Variants in NUBP1 observed in about 807,000 individuals in gnomAD.
NUBP1 encodes cytosolic Fe-S cluster assembly factor NUBP1.
In NUBP1, 46 loss-of-function variants were observed where a neutral mutation model predicts 41.8. That is an observed-to-expected ratio of 1.10 (90% CI 0.87 to 1.41). The LOEUF (loss-of-function observed/expected upper bound fraction) is 1.41, where lower values mean the gene tolerates loss of function less well. Among genes scored for constraint, NUBP1 ranks in the 40% most tolerant of loss-of-function variants. The pLI is 0.00. For missense variants in NUBP1, 494 were observed against 414.0 expected, an observed-to-expected ratio of 1.19 and a Z score of -1.68; for synonymous variants, 189 against 154.6, an observed-to-expected ratio of 1.22 and a Z score of -1.65.
chr16:10,766,683 G>A lies in NUBP1; in HGVS notation c.821-1266G>A, dbSNP rs1037401114. 4 of 346,722 alleles carry A rather than the reference G, an allele frequency of 1.2e-5. No individual in the cohort carries two copies. The highest frequency in any genetic ancestry group is 2.1e-5 in the Non-Finnish European group (4 of 194,002). 21.5% of individuals were successfully genotyped at this position (346,722 alleles called of 1,614,324 possible). A position where few individuals can be genotyped will look rare whatever the true frequency, so the allele number is the denominator to read the frequency against. On this transcript the variant is annotated intron_variant, in intron 9 of 10. Coordinates refer to ENST00000283027, the MANE Select transcript of NUBP1 (RefSeq NM_002484.4). This position sits in a 1 kb window ranked among gnomAD's most constrained non-coding sequence, Gnocchi z 4.8. ...TGGACAAAACGCACAAAGAAAGGAA[G>A]GAAGGAAGGGATTTATTGAAAATGA... is the stretch of plus-strand genomic sequence containing the variant.
In NUBP1 at chr16:10,757,870, T is replaced by G. The variant is rs1045298418; in HGVS notation, c.452-3T>G. 8.7e-6 allele frequency: 14 copies of G among 1,613,140 alleles called. No homozygotes were observed. In the African/African-American group the frequency reaches 1.5e-4, roughly 17 times the overall value. Reference sequence around the variant, plus strand: ...AGCATCCCCTGTGGATTCCTCTTTCTAGGCATGATCAAGCAGTTCCTCCGA... The same window carrying G: ...AGCATCCCCTGTGGATTCCTCTTTCGAGGCATGATCAAGCAGTTCCTCCGA... On this transcript the variant is annotated splice_polypyrimidine_tract_variant and splice_region_variant and intron_variant, in intron 6 of 10. Transcript: ENST00000283027. The surrounding 1 kb of genome is among the most constrained non-coding windows in gnomAD (Gnocchi z 4.1).
At chr16:10,751,585 G>C (rs1900322634) in intron 3 of NUBP1, among the ~76,000 whole-genome samples, 1 of 152,166 alleles carries the variant, frequency 6.6e-6, no homozygotes, top group Non-Finnish European at 1.5e-5. Flanking sequence ...TTGGATCCGA[G>C]TCATTGCAGC....
chr16:10,767,932 T>A lies in NUBP1; in HGVS notation c.821-17T>A. 5 of 1,613,086 alleles carry A rather than the reference T, an allele frequency of 3.1e-6. No individual in the cohort carries two copies. The highest frequency in any genetic ancestry group is 4.2e-6 in the Non-Finnish European group (5 of 1,179,058). ...TCCTCTTGGACTGAATTGTCTTCCG[T>A]TTGTTTCTTTTTTAAGGTAAGAATT... On this transcript the variant is annotated splice_polypyrimidine_tract_variant and intron_variant, in intron 9 of 10. Coordinates refer to ENST00000283027, the MANE Select transcript of NUBP1 (RefSeq NM_002484.4). This position sits in a 1 kb window ranked among gnomAD's most constrained non-coding sequence, Gnocchi z 4.6.
At position 10,761,540 on chromosome 16, in the gene NUBP1, G is replaced by C; in HGVS notation, c.717+66G>C. The stretch of plus-strand genomic sequence containing the variant: ...CTCATGGATGAGGAAACGATCGGAA[G>C]GCTGCTCTGCAAACTATTTCTGCTT... On this transcript the variant is annotated intron_variant, in intron 8 of 10. Transcript: ENST00000283027. 1.2e-5 allele frequency: 16 copies of C among 1,344,732 alleles called. No homozygotes were observed. In the South Asian group the frequency reaches 1.8e-4, roughly 15 times the overall value. 83.3% of individuals were successfully genotyped at this position (1,344,732 alleles called of 1,614,324 possible).
chr16:10,758,886 C>G (rs766986159), intron 7 of NUBP1, among the ~76,000 whole-genome samples: 2 of 152,138 alleles, frequency 1.3e-5, no homozygotes, highest in Non-Finnish European at 2.9e-5. Flanking sequence ...ATGGTGAGCC[C>G]GAGCTGAGAG....
In NUBP1 at chr16:10,757,970, C is replaced by G; in HGVS notation, c.549C>G (p.Val183=). Residue 183 remains valine (V), a synonymous_variant, in exon 7 of 11, where the codon GTC becomes GTG. Coordinates refer to ENST00000283027, the MANE Select transcript of NUBP1 (RefSeq NM_002484.4). This position sits in a 1 kb window ranked among gnomAD's most constrained non-coding sequence, Gnocchi z 4.1. ...PPGTSDEHLS[V]VRYLATAHID... ...GGACGTCGGATGAACACCTCTCGGT[C>G]GTCCGGTACCTGGCCACAGCACACA... 6.2e-7 allele frequency: 1 copy of G among 1,614,112 alleles called. No individual in the cohort carries two copies. Among genetic ancestry groups the G allele is most frequent in the Non-Finnish European group, 8.5e-7 (1 of 1,180,034 alleles).
Position 10,757,070 on chromosome 16 carries a change from C to G in NUBP1, c.451+290C>G, listed in dbSNP as rs1352963559. Among the ~76,000 whole-genome samples the G allele has an allele frequency of 1.3e-5, 2 of 152,136 alleles. No individual in the cohort carries two copies. Among genetic ancestry groups the G allele is most frequent in the South Asian group, 2.1e-4 (1 of 4,830 alleles). On this transcript the variant is annotated intron_variant, in intron 6 of 10. Transcript: ENST00000283027. The surrounding 1 kb of genome is among the most constrained non-coding windows in gnomAD (Gnocchi z 4.1). ...ATCCCAGCACTTTGGGAGGCCGAGG[C>G]AGGTGGATCACCTGAGGTCAGGAGT...
At chr16:10,762,403 C>A (rs2030066443) in intron 9 of NUBP1, among the ~76,000 whole-genome samples, 2 of 152,228 alleles carry the variant, frequency 1.3e-5, no homozygotes, top group South Asian at 4.1e-4. Context: ...GAGATGCCCA[C>A]TCCCTGAGTG....
rs1011202795 is a variant in NUBP1, at chr16:10,757,291, C to CA, written c.451+520dup. On this transcript the variant is annotated intron_variant, in intron 6 of 10. Transcript: ENST00000283027. The surrounding 1 kb of genome is among the most constrained non-coding windows in gnomAD (Gnocchi z 4.1). ...TGTGTGACAGAGCGAGACTTTTTCT[C>CA]AAAAAAAAAGCTATAGAACCCTGAA... 7.3e-5 allele frequency among the ~76,000 whole-genome samples: 11 copies of CA among 150,392 alleles called. No homozygotes were observed. The highest frequency in any genetic ancestry group is 2.1e-4 in the South Asian group (1 of 4,754).
At chr16:10,762,683 C>T (rs1405759639) in intron 9 of NUBP1, among the ~76,000 whole-genome samples, 1 of 152,186 alleles carries the variant, frequency 6.6e-6, no homozygotes, top group Non-Finnish European at 1.5e-5. Flanking sequence ...GTGCCGGCTG[C>T]ACCCATGCCT....
rs1055174037 is a variant in NUBP1 at position 10,759,192 on chromosome 16, C to T, written c.606+1165C>T. Among the ~76,000 whole-genome samples, 4 of 152,238 alleles carry T rather than the reference C, an allele frequency of 2.6e-5. No individual in the cohort carries two copies. The highest frequency in any genetic ancestry group is 4.4e-5 in the Non-Finnish European group (3 of 68,050). On this transcript the variant is annotated intron_variant, in intron 7 of 10. Coordinates refer to ENST00000283027, the MANE Select transcript of NUBP1 (RefSeq NM_002484.4). The surrounding 1 kb of genome is among the most constrained non-coding windows in gnomAD (Gnocchi z 4.7). ...ACCAGGGCAGTAAAAAGGCCTGGCT[C>T]TCCCTGGTGGCCCCTGTGGCTCCCT...
intron 2 of NUBP1, 116 bp downstream of exon 2, chr16:10,744,181 A>G (rs1899951572): frequency 3.2e-6 from 3 of 925,208 alleles, no homozygotes; most frequent in Non-Finnish European, 4.6e-6. Flanking sequence ...GCTAGAAGGT[A>G]TTGTATTCGG....
At position 10,769,266 on chromosome 16, in the gene NUBP1, A is replaced by G; in HGVS notation, c.*161A>G. On this transcript the variant is annotated 3_prime_UTR_variant, in exon 11 of 11. Coordinates refer to ENST00000283027, the MANE Select transcript of NUBP1 (RefSeq NM_002484.4). Reference sequence around the variant, plus strand: ...TTTCTCAGAGACACTTTAATCATTGAGTATTTGTACACTTTTCTTTAGAAC... The same window carrying G: ...TTTCTCAGAGACACTTTAATCATTGGGTATTTGTACACTTTTCTTTAGAAC... The G allele has an allele frequency of 1.6e-6, 1 of 615,900 alleles. No individual in the cohort carries two copies. Among genetic ancestry groups the G allele is most frequent in the Non-Finnish European group, 2.9e-6 (1 of 344,712 alleles). The allele number at this position is 615,900 out of a possible 1,614,324, so 38.2% of individuals were successfully genotyped here.
At chr16:10,748,759 T>G (rs992112031) in intron 3 of NUBP1, among the ~76,000 whole-genome samples, 1 of 152,162 alleles carries the variant, frequency 6.6e-6, no homozygotes, top group Non-Finnish European at 1.5e-5. Flanking sequence ...GAGATGAGTT[T>G]GTAGCCTACC....
At chr16:10,744,095 C>T (rs749823152) in intron 2 of NUBP1, 30 bp downstream of exon 2, 1 of 1,425,666 alleles carries the variant, frequency 7.0e-7, no homozygotes, top group East Asian at 2.8e-5. Context: ...TCAACAGGAA[C>T]TTAGAGGCGC....
intron 3 of NUBP1, among the ~76,000 whole-genome samples, chr16:10,748,186 A>T (rs1900149865): frequency 6.6e-6 from 1 of 152,142 alleles, no homozygotes; most frequent in African/African-American, 2.4e-5. Flanking sequence ...TCTGAACTCA[A>T]GGCGTCCCCC....
At chr16:10,753,484 T>C (rs568585143) in intron 4 of NUBP1, among the ~76,000 whole-genome samples, 78 of 151,978 alleles carry the variant, frequency 5.1e-4, no homozygotes, top group African/African-American at 1.8e-3. Flanking sequence ...CAAGAAGCTC[T>C]CCAAGAGAGG....
At chr16:10,744,131 AGGG>A in intron 2 of NUBP1, 66 bp downstream of exon 2, 1 of 414,250 alleles carries the variant, frequency 2.4e-6, no homozygotes, top group Non-Finnish European at 4.1e-6. Context: ...GGGGCGTGGG[AGGG>A]AGGGGGCGGG....
rs905183901 is a variant in NUBP1, at chr16:10,749,144, C to G, written c.258+1868C>G. Among the ~76,000 whole-genome samples, 1 of 148,394 alleles carries G rather than the reference C, an allele frequency of 6.7e-6. No homozygotes were observed. On this transcript the variant is annotated intron_variant, in intron 3 of 10. Coordinates refer to ENST00000283027, the MANE Select transcript of NUBP1 (RefSeq NM_002484.4). This position sits in a 1 kb window ranked among gnomAD's most constrained non-coding sequence, Gnocchi z 4.1. ...AGACACATACACACACACACACACA[C>G]ACACACACACACACACACACACACA...
Sources: allele counts gnomAD v4.1 joint callset (sites outside exome capture counted in the v4.1 genomes callset), GRCh38; gene constraint gnomAD v4.1.1; non-coding constraint Gnocchi (gnomAD v3.1); transcripts MANE v1.5; gene names NCBI Gene and HGNC (gene_info 2026-07-23, HGNC 2026-07-21).